Variants in QDPR observed in about 807,000 individuals in gnomAD.
QDPR encodes quinoid dihydropteridine reductase, also known as dihydropteridine reductase.
QDPR carries 23 observed loss-of-function variants against 31.7 expected under a neutral mutation model. The observed-to-expected ratio is 0.73, with a 90% CI of 0.52 to 1.03. QDPR has a LOEUF of 1.03. Among genes scored for constraint, QDPR ranks in the 50% least tolerant of loss-of-function variants. The pLI, the probability that QDPR is intolerant of heterozygous loss-of-function variation, is 0.00. For missense variants in QDPR, 324 were observed against 323.8 expected (o/e 1.00, Z 0.00); for synonymous variants, 124 against 124.7 (o/e 0.99, Z 0.03).
rs183854819 is a variant in QDPR at position 17,497,657 on chromosome 4, T to C, written c.436+4062A>G. Among the ~76,000 whole-genome samples, 32 of 152,276 alleles carry C rather than the reference T, an allele frequency of 2.1e-4. No individual in the cohort carries two copies. In the East Asian group the frequency reaches 6.2e-3, roughly 29 times the overall value. On this transcript the variant is annotated intron_variant, in intron 4 of 6. Transcript: ENST00000281243. ...GACAAGGCACCTAAAATCACTGAACTTTTTTTCCTCCATAATCAAGGGAAA... is the reference window on the plus strand; with the variant it reads ...GACAAGGCACCTAAAATCACTGAACCTTTTTTCCTCCATAATCAAGGGAAA...
At position 17,509,151 on chromosome 4, in the gene QDPR, C is replaced by T. The variant is rs1577195848; in HGVS notation, c.198+120G>A. On this transcript the variant is annotated intron_variant, in intron 2 of 6. Transcript: ENST00000281243. Reference sequence around the variant, plus strand: ...CCAGCCTGGGCGACAGAGCAAGACTCCGTCTCGGGGAAAAAAAGAAATAAA... The same window carrying T: ...CCAGCCTGGGCGACAGAGCAAGACTTCGTCTCGGGGAAAAAAAGAAATAAA... 3.2e-5 allele frequency: 26 copies of T among 824,210 alleles called. No homozygotes were observed. The South Asian group carries it at 3.7e-4, about 12-fold the overall frequency. 51.1% of individuals were successfully genotyped at this position (824,210 alleles called of 1,614,324 possible). A position where few individuals can be genotyped will look rare whatever the true frequency, so the allele number is the denominator to read the frequency against.
intron 1 of QDPR, chr4:17,509,850 C>T (rs1321745898): frequency 4.7e-6 from 2 of 424,644 alleles, no homozygotes; most frequent in Non-Finnish European, 9.5e-6. Context: ...TCCGCCTCCA[C>T]ATTCACCTCT....
chr4:17,491,491 G>A (rs1360066303), intron 5 of QDPR, among the ~76,000 whole-genome samples: 1 of 152,196 alleles, frequency 6.6e-6, no homozygotes, highest in African/African-American at 2.4e-5. Flanking sequence ...GCTGATGGGG[G>A]ACAGTCCCCC....
Position 17,492,222 on chromosome 4 carries a change from A to G in QDPR, c.545+10T>C. The G allele has an allele frequency of 4.3e-6, 7 of 1,611,028 alleles. No individual in the cohort carries two copies. Among genetic ancestry groups the G allele is most frequent in the Non-Finnish European group, 5.9e-6 (7 of 1,177,638 alleles). ...AGGTGGGCAGCAGCCAGGGAACCCCAAGCACTTACGGGAGCACAGCGATGG... is the reference window on the plus strand; with the variant it reads ...AGGTGGGCAGCAGCCAGGGAACCCCGAGCACTTACGGGAGCACAGCGATGG... On this transcript the variant is annotated intron_variant, in intron 5 of 6. Coordinates refer to ENST00000281243, the MANE Select transcript of QDPR (RefSeq NM_000320.3).
intron 4 of QDPR, chr4:17,492,645 G>A: frequency 4.8e-6 from 2 of 413,012 alleles, no homozygotes; most frequent in East Asian, 4.6e-5. Flanking sequence ...AAGAGGCCAG[G>A]AAGAAAAGAT....
At chr4:17,500,111 A>G (rs985939398) in intron 4 of QDPR, among the ~76,000 whole-genome samples, 2 of 151,420 alleles carry the variant, frequency 1.3e-5, no homozygotes, top group African/African-American at 4.9e-5. Flanking sequence ...AGCCACCATC[A>G]CGCCTGGCTA....
chr4:17,507,141 G>A (rs1261130572), intron 2 of QDPR, among the ~76,000 whole-genome samples: 1 of 152,116 alleles, frequency 6.6e-6, no homozygotes, highest in Non-Finnish European at 1.5e-5. Flanking sequence ...CAAGGAAAGT[G>A]CAACTAAATG....
chr4:17,495,549 C>A (rs947327189), intron 4 of QDPR, among the ~76,000 whole-genome samples: 1 of 152,150 alleles, frequency 6.6e-6, no homozygotes, highest in Non-Finnish European at 1.5e-5. Context: ...TAAATGGGAT[C>A]CAATGCTAAG....
intron 2 of QDPR, among the ~76,000 whole-genome samples, chr4:17,505,256 T>TC (rs1198486671): frequency 2.0e-5 from 3 of 148,226 alleles, no homozygotes; most frequent in Non-Finnish European, 4.5e-5. Context: ...TTTTTTTTTT[T>TC]TTTTTTTTTG....
rs549541377 is a variant in QDPR, at chr4:17,504,369, A to C, written c.295+10T>G. On this transcript the variant is annotated intron_variant, in intron 3 of 6. Coordinates refer to ENST00000281243, the MANE Select transcript of QDPR (RefSeq NM_000320.3). ...AGCAGAACAAATGAGTGACTCAGGA[A>C]AGGACTCACACTTGGATTTGGCATT... is the stretch of plus-strand genomic sequence containing the variant. 6.2e-7 allele frequency: 1 copy of C among 1,608,408 alleles called. No individual in the cohort carries two copies. Among genetic ancestry groups the C allele is most frequent in the Admixed American group, 1.7e-5 (1 of 60,022 alleles).
chr4:17,507,739 G>A (rs1718839803), intron 2 of QDPR, among the ~76,000 whole-genome samples: 1 of 152,066 alleles, frequency 6.6e-6, no homozygotes, highest in Non-Finnish European at 1.5e-5. Flanking sequence ...GAGTAGCTGG[G>A]ACTACAGGCG....
chr4:17,511,832 A>T, intron 1 of QDPR, 118 bp downstream of exon 1: 1 of 998,302 alleles, frequency 1.0e-6, no homozygotes. Flanking sequence ...TGCAAGCAAC[A>T]CGAGTCAGGG....
chr4:17,506,021 G>A (rs1373485338), intron 2 of QDPR, among the ~76,000 whole-genome samples: 2 of 152,202 alleles, frequency 1.3e-5, no homozygotes, highest in Non-Finnish European at 2.9e-5. Flanking sequence ...ATTAATCAGA[G>A]CAGAAGAGAC....
chr4:17,511,884 C>A (rs975757179), intron 1 of QDPR, 66 bp downstream of exon 1: 3 of 1,536,812 alleles, frequency 2.0e-6, no homozygotes, highest in East Asian at 4.8e-5. Context: ...TGCCCCCCGC[C>A]GGGTTCCACA....
At chr4:17,496,793 G>A (rs1718377130) in intron 4 of QDPR, among the ~76,000 whole-genome samples, 1 of 151,946 alleles carries the variant, frequency 6.6e-6, no homozygotes. Context: ...GTCTCACTCT[G>A]TCACCCAGAC....
chr4:17,509,446 GC>G, intron 1 of QDPR, 83 bp from the exon 2 acceptor site: 2 of 1,235,134 alleles, frequency 1.6e-6, no homozygotes, highest in African/African-American at 1.5e-5. Flanking sequence ...AGGGGAGTTG[GC>G]CAGGTGTAGT....
Position 17,487,097 on chromosome 4 carries a change from T to G in QDPR, c.*34A>C, listed in dbSNP as rs780805628. 6.4e-7 allele frequency: 1 copy of G among 1,559,934 alleles called. No individual in the cohort carries two copies. Among genetic ancestry groups the G allele is most frequent in the Non-Finnish European group, 8.8e-7 (1 of 1,131,364 alleles). On this transcript the variant is annotated 3_prime_UTR_variant, in exon 7 of 7. Coordinates refer to ENST00000281243, the MANE Select transcript of QDPR (RefSeq NM_000320.3). ...CACACTGAGACAGGTTAGTGACTTT[T>G]CTGGCAGGCCCCTCATAGGCACTGA...
At position 17,487,215 on chromosome 4, in the gene QDPR, T is replaced by C. The variant is rs754885780; in HGVS notation, c.651A>G (p.Thr217=). ...TTCCTGAGCTCGGTCGGTTTTTCCC[T>C]GTGATCCAGTCATGGAAAGTTCTGG... The part of the protein sequence containing the change: ...FLVETFHDWI[T]GKNRPSSGSL... Residue 217 remains threonine, a synonymous_variant, in exon 7 of 7, where the codon ACA becomes ACG. Transcript: ENST00000281243. 2 of 1,614,100 alleles carry C rather than the reference T, an allele frequency of 1.2e-6. No homozygotes were observed. The highest frequency in any genetic ancestry group is 1.7e-6 in the Non-Finnish European group (2 of 1,179,996).
intron 6 of QDPR, 124 bp from the exon 7 acceptor site, chr4:17,487,360 C>T (rs1259289876): frequency 1.3e-6 from 1 of 756,958 alleles, no homozygotes; most frequent in South Asian, 1.5e-5. Flanking sequence ...TGTTTAAAAG[C>T]CACTAAGGGC....
Sources: allele counts gnomAD v4.1 joint callset (sites outside exome capture counted in the v4.1 genomes callset), GRCh38; gene constraint gnomAD v4.1.1; transcripts MANE v1.5; gene names NCBI Gene and HGNC (gene_info 2026-07-23, HGNC 2026-07-21).